CADM2: variants seen among roughly 807,000 people sequenced by gnomAD.
CADM2 encodes the protein immunoglobulin superfamily member 4D.
A neutral mutation model predicts 49.8 loss-of-function variants in CADM2; 12 were observed. The ratio of observed to expected loss-of-function variants is 0.24; its 90% confidence interval spans 0.15 to 0.39. The LOEUF (loss-of-function observed/expected upper bound fraction) is 0.39, where lower values mean the gene tolerates loss of function less well. Among genes scored for constraint, CADM2 ranks in the 10% least tolerant of loss-of-function variants. CADM2 has a pLI of 1.00. For synonymous variants in CADM2, 214 were observed against 175.4 expected (o/e 1.22, Z -1.74); for missense variants, 378 against 492.3 (o/e 0.77, Z 2.20).
At chr3:85,953,470 C>T (rs1385361065) in intron 7 of CADM2, among the ~76,000 whole-genome samples, 2 of 150,802 alleles carry the variant, frequency 1.3e-5, no homozygotes, top group Non-Finnish European at 3.0e-5. Context: ...GCTTAGACTC[C>T]TATTGAGTTG....
At chr3:86,065,841 A>T in intron 9 of CADM2, 111 bp downstream of exon 9, 1 of 997,076 alleles carries the variant, frequency 1.0e-6, no homozygotes, top group Non-Finnish European at 1.4e-6. Flanking sequence ...TAGAATAGGG[A>T]GATAGAGAGA....
intron 1 of CADM2, among the ~76,000 whole-genome samples, chr3:84,995,758 C>T (rs1013875511): frequency 6.6e-6 from 1 of 152,044 alleles, no homozygotes; most frequent in Non-Finnish European, 1.5e-5. Context: ...TTGATCATTC[C>T]TCTAGCTTAT....
chr3:85,106,932 TAAAAGAAA>T (rs2038249441), intron 1 of CADM2, among the ~76,000 whole-genome samples: 1 of 152,122 alleles, frequency 6.6e-6, no homozygotes, highest in African/African-American at 2.4e-5. Context: ...TTAGGAGATC[TAAAAGAAA>T]ACTTACAGTA....
chr3:85,709,598 T>C (rs998031102), intron 1 of CADM2, among the ~76,000 whole-genome samples: 3 of 152,148 alleles, frequency 2.0e-5, no homozygotes, highest in Non-Finnish European at 4.4e-5. Flanking sequence ...GCCTTTAATG[T>C]GACTGAATTT....
At chr3:85,642,478 G>A (rs1374022002) in intron 1 of CADM2, among the ~76,000 whole-genome samples, 2 of 151,970 alleles carry the variant, frequency 1.3e-5, no homozygotes, top group African/African-American at 4.8e-5. Flanking sequence ...AGAATGGAAG[G>A]TTTTTAAAAA....
chr3:85,390,125 T>C (rs914146893), intron 1 of CADM2, among the ~76,000 whole-genome samples: 5 of 152,012 alleles, frequency 3.3e-5, no homozygotes, highest in Non-Finnish European at 5.9e-5. Context: ...CATTTGTTCA[T>C]CCAGATAATA....
rs564326545 is a variant in CADM2, at chr3:85,943,174, A to G, written c.791+7317A>G. On this transcript the variant is annotated intron_variant, in intron 7 of 9. Transcript: ENST00000383699. ...GTTCATGTCCTTCACCCACTTTTTG[A>G]TGGGGTTGTTTGTTTTTTTCTTGTA... Among the ~76,000 whole-genome samples the G allele has an allele frequency of 8.2e-4, 114 of 139,506 alleles. No homozygotes were observed. In the East Asian group the frequency reaches 8.6e-3, roughly 11 times the overall value. 91.5% of individuals were successfully genotyped at this position (139,506 alleles called of 152,430 possible).
At chr3:85,162,036 A>G (rs2040342186) in intron 1 of CADM2, among the ~76,000 whole-genome samples, 1 of 152,090 alleles carries the variant, frequency 6.6e-6, no homozygotes, top group South Asian at 2.1e-4. Flanking sequence ...GAAAGAAAGA[A>G]AGAAAAAACA....
At chr3:85,839,884 G>A (rs980472221) in intron 3 of CADM2, among the ~76,000 whole-genome samples, 3 of 151,688 alleles carry the variant, frequency 2.0e-5, no homozygotes, top group African/African-American at 7.3e-5. Flanking sequence ...TGAGAGTTCC[G>A]AATAATTACG....
At chr3:85,660,827 T>C (rs2065378257) in intron 1 of CADM2, among the ~76,000 whole-genome samples, 1 of 151,952 alleles carries the variant, frequency 6.6e-6, no homozygotes, top group Non-Finnish European at 1.5e-5. Flanking sequence ...CTGACCAGCA[T>C]GTACAGTGCA....
intron 1 of CADM2, among the ~76,000 whole-genome samples, chr3:85,577,044 A>T (rs1257253563): frequency 6.6e-6 from 1 of 152,162 alleles, no homozygotes; most frequent in Non-Finnish European, 1.5e-5. Context: ...ATTTGTCACT[A>T]CTAATGAACT....
chr3:85,940,755 G>T (rs139462623), intron 7 of CADM2, among the ~76,000 whole-genome samples: 1 of 152,074 alleles, frequency 6.6e-6, no homozygotes, highest in African/African-American at 2.4e-5. Flanking sequence ...TGCAGACCTG[G>T]GTTTAAATTA....
At chr3:85,701,415 T>C (rs544838955) in intron 1 of CADM2, among the ~76,000 whole-genome samples, 28 of 152,238 alleles carry the variant, frequency 1.8e-4, no homozygotes, top group African/African-American at 6.5e-4. Flanking sequence ...TTGGTAGATG[T>C]CACATACTTG....
intron 2 of CADM2, among the ~76,000 whole-genome samples, chr3:85,762,010 A>G (rs1443962822): frequency 1.1e-4 from 17 of 152,142 alleles, no homozygotes; most frequent in Non-Finnish European, 1.5e-5. Context: ...ATGTATGGCT[A>G]ATCTGAGTTT....
chr3:85,266,960 T>A (rs570697394), intron 1 of CADM2, among the ~76,000 whole-genome samples: 1 of 151,962 alleles, frequency 6.6e-6, no homozygotes, highest in East Asian at 1.9e-4. Flanking sequence ...TATTAGAGAA[T>A]TTTTCTTCAT....
rs535461404 is a variant in CADM2 at position 85,825,391 on chromosome 3, C to T, written c.238+23195C>T. On this transcript the variant is annotated intron_variant, in intron 3 of 9. Transcript: ENST00000383699. ...AGGCTGATATGGCATGTGGCTTCAG[C>T]TGTAATCAAAACGTGCAGCCACTAC... is the stretch of plus-strand genomic sequence containing the variant. 2.1e-3 allele frequency among the ~76,000 whole-genome samples: 314 copies of T among 152,172 alleles called. 8 individuals are homozygous for T. The highest frequency in any genetic ancestry group is 3.7e-4 in the Non-Finnish European group (25 of 68,000).
intron 3 of CADM2, among the ~76,000 whole-genome samples, chr3:85,823,749 C>A (rs1010125486): frequency 6.6e-6 from 1 of 152,048 alleles, no homozygotes; most frequent in Non-Finnish European, 1.5e-5. Context: ...AAGTAACAGA[C>A]TGTATCTGAA....
chr3:85,576,529 C>T (rs1415109335), intron 1 of CADM2, among the ~76,000 whole-genome samples: 2 of 152,260 alleles, frequency 1.3e-5, no homozygotes, highest in East Asian at 3.9e-4. Context: ...TTTACACACA[C>T]ATATGGAGGC....
At chr3:86,047,033 G>T (rs994099455) in intron 8 of CADM2, among the ~76,000 whole-genome samples, 2 of 151,726 alleles carry the variant, frequency 1.3e-5, no homozygotes, top group African/African-American at 2.4e-5. Flanking sequence ...ATCGTAATTT[G>T]CAATCCCTTT....
Sources: gnomAD v4.1 joint callset for allele counts (sites outside exome capture counted in the v4.1 genomes callset) on GRCh38, gnomAD v4.1.1 for gene constraint, MANE v1.5 for transcripts, NCBI Gene and HGNC (gene_info 2026-07-23, HGNC 2026-07-21) for gene names.